Variants in SMG7 observed in about 807,000 individuals in gnomAD.
SMG7 encodes nonsense-mediated mRNA decay factor SMG7.
Under a neutral mutation model 148.2 loss-of-function variants are expected in SMG7, and 34 were observed. That is an observed-to-expected ratio of 0.23 (90% confidence interval 0.17 to 0.31). SMG7 has a LOEUF of 0.31. SMG7 is among the 10% of genes least tolerant of loss of function. The pLI, the probability that SMG7 is intolerant of heterozygous loss-of-function variation, is 1.00. For missense variants in SMG7, 1,114 were observed against 1,408.4 expected (o/e 0.79, Z 3.35); for synonymous variants, 492 against 515.1 (o/e 0.96, Z 0.61).
intron 18 of SMG7, 36 bp downstream of exon 18, chr1:183,547,288 C>T (rs1037974245): frequency 1.3e-6 from 2 of 1,531,032 alleles, no homozygotes; most frequent in Non-Finnish European, 1.8e-6. Context: ...CTTGGTCTAA[C>T]CCCCAGCTGC....
At chr1:183,526,288 A>G (rs1361965866) in intron 4 of SMG7, among the ~76,000 whole-genome samples, 13 of 151,574 alleles carry the variant, frequency 8.6e-5, no homozygotes, top group Non-Finnish European at 4.4e-5. Flanking sequence ...AGCTGAGACT[A>G]CAGGTGCTCA....
At chr1:183,514,095 C>A (rs549160636) in intron 2 of SMG7, among the ~76,000 whole-genome samples, 1 of 150,436 alleles carries the variant, frequency 6.6e-6, no homozygotes, top group Non-Finnish European at 1.5e-5. Flanking sequence ...GTTGTAATCA[C>A]CGTATACTGG....
intron 1 of SMG7, among the ~76,000 whole-genome samples, chr1:183,503,860 C>G (rs1171866862): frequency 2.6e-5 from 4 of 152,170 alleles, no homozygotes; most frequent in African/African-American, 9.7e-5. Context: ...CTTAAAAGCT[C>G]CAAGATAGCA....
At chr1:183,538,040 A>G (rs770120820) in intron 11 of SMG7, among the ~76,000 whole-genome samples, 9 of 152,192 alleles carry the variant, frequency 5.9e-5, no homozygotes, top group African/African-American at 9.7e-5. Context: ...GATGATGTCA[A>G]TGTTATTCAA....
intron 1 of SMG7, among the ~76,000 whole-genome samples, chr1:183,511,429 A>G (rs1662130795): frequency 1.3e-5 from 2 of 152,196 alleles, no homozygotes; most frequent in Non-Finnish European, 2.9e-5. Flanking sequence ...ATGAGTGGTA[A>G]TTAAGCAGAC....
intron 1 of SMG7, among the ~76,000 whole-genome samples, chr1:183,499,176 T>G (rs1048026854): frequency 6.6e-5 from 10 of 152,200 alleles, no homozygotes; most frequent in African/African-American, 2.4e-4. Flanking sequence ...CTTCAGTAGG[T>G]GAATGGATAA....
In SMG7 at chr1:183,515,999, T is replaced by C; in HGVS notation, c.179+8T>C. The C allele has an allele frequency of 4.0e-6, 6 of 1,506,774 alleles. No individual in the cohort carries two copies. The highest frequency in any genetic ancestry group is 5.5e-6 in the Non-Finnish European group (6 of 1,085,432). The allele number at this position is 1,506,774 out of a possible 1,614,324, so 93.3% of individuals were successfully genotyped here. On this transcript the variant is annotated splice_region_variant and intron_variant, in intron 3 of 22. Coordinates refer to ENST00000688051, the MANE Select transcript of SMG7 (RefSeq NM_001375584.1). The stretch of plus-strand genomic sequence containing the variant: ...GAAAGTAGAACAGGATCTGTAAGTA[T>C]TACCTATCATTTGAGAAGTCCCTGT...
chr1:183,502,809 G>A (rs956643475), intron 1 of SMG7, among the ~76,000 whole-genome samples: 18 of 152,146 alleles, frequency 1.2e-4, no homozygotes, highest in African/African-American at 4.1e-4. Context: ...GTATGTCAGC[G>A]TGGATGCAAT....
intron 15 of SMG7, 142 bp from the exon 16 acceptor site, chr1:183,544,788 A>G: frequency 1.1e-6 from 1 of 919,324 alleles, no homozygotes; most frequent in Non-Finnish European, 1.7e-6. Context: ...TCTTCAAATC[A>G]AGTTAAAGAT....
At chr1:183,523,636 A>G (rs1665230779) in intron 4 of SMG7, among the ~76,000 whole-genome samples, 1 of 152,148 alleles carries the variant, frequency 6.6e-6, no homozygotes, top group Non-Finnish European at 1.5e-5. Context: ...CTTTAGTTCC[A>G]TCTTGTTACT....
At chr1:183,498,518 CA>C (rs1446538793) in intron 1 of SMG7, among the ~76,000 whole-genome samples, 1 of 152,142 alleles carries the variant, frequency 6.6e-6, no homozygotes, top group African/African-American at 2.4e-5. Context: ...AAACAAAAAA[CA>C]AAAAACACTG....
chr1:183,552,406 T>C lies in SMG7; in HGVS notation c.*475T>C, dbSNP rs900963042. 2.0e-6 allele frequency: 2 copies of C among 989,714 alleles called. No homozygotes were observed. Among genetic ancestry groups the C allele is most frequent in the African/African-American group, 3.5e-5 (2 of 57,342 alleles). The allele number at this position is 989,714 out of a possible 1,614,324, so 61.3% of individuals were successfully genotyped here. A position where few individuals can be genotyped will look rare whatever the true frequency, so the allele number is the denominator to read the frequency against. On this transcript the variant is annotated 3_prime_UTR_variant, in exon 23 of 23. Transcript: ENST00000688051. Reference sequence around the variant, plus strand: ...CTTAAACATCTTTTATTATTATTACTCTCAGTAGTAAAATATCACACTGAA... The same window carrying C: ...CTTAAACATCTTTTATTATTATTACCCTCAGTAGTAAAATATCACACTGAA...
rs1038366808 is a variant in SMG7, at chr1:183,549,669, C to T, written c.2974-95C>T. On this transcript the variant is annotated intron_variant, in intron 19 of 22. Transcript: ENST00000688051. ...TCAAAATTTCTCTTCCTAAGAAAAGCTTAAGGTGTACCAAGCATCCATGAA... is the reference window on the plus strand; with the variant it reads ...TCAAAATTTCTCTTCCTAAGAAAAGTTTAAGGTGTACCAAGCATCCATGAA... 10 of 953,516 alleles carry T rather than the reference C, an allele frequency of 1.0e-5. No homozygotes were observed. In the African/African-American group the frequency reaches 1.7e-4, roughly 16 times the overall value. The allele number at this position is 953,516 out of a possible 1,614,324, so 59.1% of individuals were successfully genotyped here.
chr1:183,484,360 A>AT (rs35414239), intron 1 of SMG7, among the ~76,000 whole-genome samples: 34,623 of 144,530 alleles, frequency 0.24, 4,822 homozygotes, highest in Non-Finnish European at 0.32. Context: ...CTGAAAAAAA[A>AT]TTTTTTTTTT....
chr1:183,503,871 T>G (rs1402822037), intron 1 of SMG7, among the ~76,000 whole-genome samples: 3 of 152,354 alleles, frequency 2.0e-5, no homozygotes, highest in African/African-American at 4.8e-5. Flanking sequence ...CAAGATAGCA[T>G]TACTAATTTG....
rs1670059437 is a variant in SMG7, at chr1:183,547,095, G to A, written c.2743-8G>A. 2.6e-6 allele frequency: 4 copies of A among 1,546,814 alleles called. No homozygotes were observed. Among genetic ancestry groups the A allele is most frequent in the Non-Finnish European group, 3.5e-6 (4 of 1,145,588 alleles). ...ATTGCTTCTCACTGTGATGCTTTCT[G>A]TCACTAGGACCCCAAGAGCTCCCCT... On this transcript the variant is annotated splice_region_variant and splice_polypyrimidine_tract_variant and intron_variant, in intron 17 of 22. Coordinates refer to ENST00000688051, the MANE Select transcript of SMG7 (RefSeq NM_001375584.1).
At chr1:183,519,478 G>A (rs978843252) in intron 4 of SMG7, among the ~76,000 whole-genome samples, 10 of 151,384 alleles carry the variant, frequency 6.6e-5, no homozygotes, top group African/African-American at 1.2e-4. Context: ...TGTAAGGCAC[G>A]ATACTAGATG....
At position 183,533,147 on chromosome 1, in the gene SMG7, T is replaced by A; in HGVS notation, c.844-17T>A. On this transcript the variant is annotated splice_polypyrimidine_tract_variant and intron_variant, in intron 8 of 22. Transcript: ENST00000688051. Reference sequence around the variant, plus strand: ...TGTTCTTGATAATATATGCAGTACGTCTGTCTTCTTTTACAGAGGCTGCTA... The same window carrying A: ...TGTTCTTGATAATATATGCAGTACGACTGTCTTCTTTTACAGAGGCTGCTA... 1 of 1,610,836 alleles carries A rather than the reference T, an allele frequency of 6.2e-7. No individual in the cohort carries two copies. Among genetic ancestry groups the A allele is most frequent in the Non-Finnish European group, 8.5e-7 (1 of 1,177,828 alleles).
chr1:183,519,721 T>C (rs1664338746), intron 4 of SMG7, among the ~76,000 whole-genome samples: 1 of 152,194 alleles, frequency 6.6e-6, no homozygotes, highest in African/African-American at 2.4e-5. Flanking sequence ...TTCTATACTT[T>C]TTTGCATATT....
Sources: gnomAD v4.1 joint callset for allele counts (sites outside exome capture counted in the v4.1 genomes callset) on GRCh38, gnomAD v4.1.1 for gene constraint, MANE v1.5 for transcripts, NCBI Gene and HGNC (gene_info 2026-07-23, HGNC 2026-07-21) for gene names.